The following SLC24A3 variants were observed in gnomAD, a reference collection of about 807,000 sequenced individuals.
SLC24A3 encodes sodium/potassium/calcium exchanger 3.
In SLC24A3, 28 loss-of-function variants were observed where a neutral mutation model predicts 75.8. The observed-to-expected ratio is 0.37, with a 90% confidence interval of 0.27 to 0.51. The LOEUF (loss-of-function observed/expected upper bound fraction) is 0.51. SLC24A3 is among the 20% of genes least tolerant of loss of function. The pLI, the probability that SLC24A3 is intolerant of heterozygous loss-of-function variation, is 0.94. For missense variants in SLC24A3, 663 were observed against 847.8 expected, an observed-to-expected ratio of 0.78 and a Z score of 2.71; for synonymous variants, 372 against 334.1, an observed-to-expected ratio of 1.11 and a Z score of -1.24.
intron 2 of SLC24A3, among the ~76,000 whole-genome samples, chr20:19,294,605 A>G (rs1040401447): frequency 2.0e-5 from 3 of 152,174 alleles, no homozygotes; most frequent in Non-Finnish European, 4.4e-5. Flanking sequence ...ATATATGCAA[A>G]GGACACTATC....
At chr20:19,415,787 G>A (rs979929174) in intron 2 of SLC24A3, among the ~76,000 whole-genome samples, 1 of 152,104 alleles carries the variant, frequency 6.6e-6, no homozygotes, top group African/African-American at 2.4e-5. Flanking sequence ...CCAATTCCAG[G>A]AGGGGAAAGC....
intron 1 of SLC24A3, among the ~76,000 whole-genome samples, chr20:19,234,109 T>C (rs1982101089): frequency 1.3e-5 from 2 of 152,214 alleles, no homozygotes; most frequent in Non-Finnish European, 2.9e-5. Flanking sequence ...CACAGAGCCA[T>C]TGAGATTGCA....
At chr20:19,566,305 C>T (rs868356838) in intron 3 of SLC24A3, among the ~76,000 whole-genome samples, 3 of 152,196 alleles carry the variant, frequency 2.0e-5, no homozygotes, top group East Asian at 3.9e-4. Context: ...ACACTAAGCA[C>T]GTATTCTCCT....
intron 3 of SLC24A3, among the ~76,000 whole-genome samples, chr20:19,541,153 G>T (rs2030488692): frequency 6.6e-6 from 1 of 152,216 alleles, no homozygotes; most frequent in Non-Finnish European, 1.5e-5. Flanking sequence ...AAACCTTACA[G>T]CAAGATGTAC....
At chr20:19,339,110 T>TAGCTCCCAACA (rs6147315) in intron 2 of SLC24A3, among the ~76,000 whole-genome samples, 150,860 of 152,224 alleles carry the variant, frequency 0.99, 74,755 homozygotes, top group Middle Eastern at 1. Flanking sequence ...CTTGGACACA[T>TAGCTCCCAACA]AGCCTGACTC....
At chr20:19,214,592 T>C (rs1981503437) in intron 1 of SLC24A3, among the ~76,000 whole-genome samples, 1 of 152,152 alleles carries the variant, frequency 6.6e-6, no homozygotes, top group Non-Finnish European at 1.5e-5. Flanking sequence ...AAGACATTTT[T>C]TTCTGGGTGA....
chr20:19,264,456 T>A (rs1165908377), intron 1 of SLC24A3, among the ~76,000 whole-genome samples: 1 of 151,862 alleles, frequency 6.6e-6, no homozygotes, highest in Non-Finnish European at 1.5e-5. Flanking sequence ...CTTGACTCAC[T>A]CAAAAGTGCA....
At chr20:19,677,285 C>A (rs1280600447) in intron 9 of SLC24A3, among the ~76,000 whole-genome samples, 1 of 144,378 alleles carries the variant, frequency 6.9e-6, no homozygotes, top group Non-Finnish European at 1.5e-5. Context: ...CATAGCAAGA[C>A]CCCGTTCCAA....
chr20:19,657,266 T>C (rs2032276802), intron 7 of SLC24A3, among the ~76,000 whole-genome samples: 1 of 152,230 alleles, frequency 6.6e-6, no homozygotes. Flanking sequence ...GTCTTGGTTC[T>C]TTTTACTTTA....
intron 1 of SLC24A3, among the ~76,000 whole-genome samples, chr20:19,241,807 G>A (rs996130052): frequency 3.3e-4 from 50 of 152,258 alleles, no homozygotes; most frequent in African/African-American, 1.2e-3. Flanking sequence ...GAGGGCAATC[G>A]TGATGAATAG....
intron 3 of SLC24A3, among the ~76,000 whole-genome samples, chr20:19,559,613 T>C (rs1293765119): frequency 6.6e-6 from 1 of 152,144 alleles, no homozygotes; most frequent in Admixed American, 6.6e-5. Context: ...TAGAGGACTT[T>C]CAAGTGGCAA....
intron 3 of SLC24A3, among the ~76,000 whole-genome samples, chr20:19,567,936 C>G (rs1486792709): frequency 6.6e-6 from 1 of 152,046 alleles, no homozygotes; most frequent in Admixed American, 6.6e-5. Flanking sequence ...AAGCCAACAA[C>G]CAAAAAACAA....
At chr20:19,534,041 C>A (rs1216023850) in intron 3 of SLC24A3, among the ~76,000 whole-genome samples, 1 of 152,234 alleles carries the variant, frequency 6.6e-6, no homozygotes, top group Non-Finnish European at 1.5e-5. Context: ...CTGTTATGCT[C>A]ATTTGTCTGA....
At chr20:19,214,145 C>G (rs947123702) in intron 1 of SLC24A3, among the ~76,000 whole-genome samples, 1 of 152,134 alleles carries the variant, frequency 6.6e-6, no homozygotes, top group Non-Finnish European at 1.5e-5. Flanking sequence ...GGAAGTGAAA[C>G]AGGCGTCAGT....
intron 6 of SLC24A3, among the ~76,000 whole-genome samples, chr20:19,593,073 G>T (rs2031402178): frequency 6.6e-6 from 1 of 152,146 alleles, no homozygotes; most frequent in Admixed American, 6.5e-5. Flanking sequence ...TGGACTTATA[G>T]GCGTGAGCCA....
rs6046040 is a variant in SLC24A3 at position 19,386,278 on chromosome 20, A to T, written c.271+105191A>T. Reference sequence around the variant, plus strand: ...TTGTATGTTGATTTTGTATTCTGAAACTTTACTGAATTTATTTATCAGTTC... The same window carrying T: ...TTGTATGTTGATTTTGTATTCTGAATCTTTACTGAATTTATTTATCAGTTC... On this transcript the variant is annotated intron_variant, in intron 2 of 16. Transcript: ENST00000328041. Among the ~76,000 whole-genome samples the T allele has an allele frequency of 6.0e-4, 91 of 152,312 alleles. 1 individual carries two copies. Among genetic ancestry groups the T allele is most frequent in the African/African-American group, 2.1e-3 (87 of 41,574 alleles).
At chr20:19,605,016 A>G (rs1050385980) in intron 6 of SLC24A3, among the ~76,000 whole-genome samples, 7 of 152,104 alleles carry the variant, frequency 4.6e-5, no homozygotes, top group African/African-American at 1.7e-4. Context: ...TCTGGGTACC[A>G]TTTCCCTTCC....
At chr20:19,343,826 G>A (rs568557555) in intron 2 of SLC24A3, among the ~76,000 whole-genome samples, 25 of 152,254 alleles carry the variant, frequency 1.6e-4, no homozygotes, top group African/African-American at 5.3e-4. Flanking sequence ...GTTGGTAGGC[G>A]TCTCACTCAT....
chr20:19,490,710 C>T (rs1244476109), intron 2 of SLC24A3, among the ~76,000 whole-genome samples: 5 of 152,184 alleles, frequency 3.3e-5, no homozygotes, highest in Non-Finnish European at 1.5e-5. Flanking sequence ...TCAGACCCAC[C>T]TTCCTGAGGG....
Sources: allele counts gnomAD v4.1 joint callset (sites outside exome capture counted in the v4.1 genomes callset), GRCh38; gene constraint gnomAD v4.1.1; transcripts MANE v1.5; gene names NCBI Gene and HGNC (gene_info 2026-07-23, HGNC 2026-07-21).